The following LARGE1 variants were observed in gnomAD, a reference collection of about 807,000 sequenced individuals.
LARGE1 encodes the protein xylosyl- and glucuronyltransferase LARGE1.
A neutral mutation model predicts 87.6 loss-of-function variants in LARGE1; 43 were observed. That is an observed-to-expected ratio of 0.49 (90% confidence interval 0.38 to 0.63). LARGE1 has a LOEUF of 0.63. Ranked by LOEUF, LARGE1 falls within the 30% of genes least tolerant of loss-of-function variation. The pLI is 0.00. For missense variants in LARGE1, 802 were observed against 1,000.2 expected (o/e 0.80, Z 2.67); for synonymous variants, 434 against 394.6 (o/e 1.10, Z -1.18).
At chr22:33,694,661 T>C (rs2082190071) in intron 2 of LARGE1, among the ~76,000 whole-genome samples, 1 of 152,124 alleles carries the variant, frequency 6.6e-6, no homozygotes, top group African/African-American at 2.4e-5. Context: ...ACCAAATTGA[T>C]TTAGGTAAAT....
At chr22:33,321,807 C>T (rs1936741936) in intron 10 of LARGE1, among the ~76,000 whole-genome samples, 1 of 152,082 alleles carries the variant, frequency 6.6e-6, no homozygotes, top group African/African-American at 2.4e-5. Context: ...GGTTTCTCAT[C>T]CCCTTTACTG....
At chr22:33,281,686 G>C (rs1412780386) in intron 13 of LARGE1, among the ~76,000 whole-genome samples, 1 of 152,164 alleles carries the variant, frequency 6.6e-6, no homozygotes, top group Admixed American at 6.5e-5. Context: ...TGGGTTGGGT[G>C]GGGGGTTACT....
intron 6 of LARGE1, among the ~76,000 whole-genome samples, chr22:33,461,673 GAAAA>G (rs1192907802): frequency 3.0e-5 from 4 of 134,820 alleles, no homozygotes; most frequent in Non-Finnish European, 6.4e-5. Context: ...AAAGAAAAAA[GAAAA>G]AAAAAGAGAA....
intron 11 of LARGE1, among the ~76,000 whole-genome samples, chr22:33,218,109 T>C (rs1925293968): frequency 6.6e-6 from 1 of 152,044 alleles, no homozygotes; most frequent in Admixed American, 6.6e-5. Flanking sequence ...TGTGTATTTT[T>C]AGTAGAGGTG....
the LARGE1 span, among the ~76,000 whole-genome samples, chr22:33,144,904 G>A: frequency 6.6e-6 from 1 of 152,144 alleles, no homozygotes; most frequent in Admixed American, 6.5e-5. Context: ...GAGGCTGCAA[G>A]TCCCCAAGAA....
At chr22:33,750,060 T>C (rs1342104664) in intron 2 of LARGE1, among the ~76,000 whole-genome samples, 2 of 152,204 alleles carry the variant, frequency 1.3e-5, no homozygotes, top group African/African-American at 4.8e-5. Flanking sequence ...GTAAAATTCC[T>C]AGCCCAGCAC....
intron 11 of LARGE1, among the ~76,000 whole-genome samples, chr22:33,239,445 G>A (rs965201053): frequency 3.3e-5 from 5 of 151,408 alleles, no homozygotes; most frequent in African/African-American, 9.7e-5. Context: ...GCACTTTCCT[G>A]GTTATTAAGC....
In LARGE1 at chr22:33,694,387, C is replaced by T. The variant is rs186890450; in HGVS notation, c.107-43719G>A. Among the ~76,000 whole-genome samples, 106 of 152,338 alleles carry T rather than the reference C, an allele frequency of 7.0e-4. 3 individuals are homozygous for T. The South Asian group carries it at 0.015, about 22-fold the overall frequency. On this transcript the variant is annotated intron_variant, in intron 2 of 14. Coordinates refer to ENST00000397394, the MANE Select transcript of LARGE1 (RefSeq NM_133642.5). ...CAATGGTCCCTGTCACAGTGTCACACCTGCCTCTAGTGAACCTTTCTGTAA... is the reference window on the plus strand; with the variant it reads ...CAATGGTCCCTGTCACAGTGTCACATCTGCCTCTAGTGAACCTTTCTGTAA...
At chr22:33,557,287 G>C (rs2077718808) in intron 6 of LARGE1, among the ~76,000 whole-genome samples, 1 of 152,158 alleles carries the variant, frequency 6.6e-6, no homozygotes, top group South Asian at 2.1e-4. Context: ...AAAATCCTTG[G>C]TGTTGCTTCA....
chr22:33,170,722 T>C (rs1436291589), intron 11 of LARGE1, among the ~76,000 whole-genome samples: 1 of 152,202 alleles, frequency 6.6e-6, no homozygotes, highest in African/African-American at 2.4e-5. Flanking sequence ...TAAATCTCTT[T>C]CCTTTAAAAA....
chr22:33,270,892 C>T (rs1928207873), downstream of LARGE1, among the ~76,000 whole-genome samples: 2 of 152,184 alleles, frequency 1.3e-5, no homozygotes, highest in South Asian at 2.1e-4. Context: ...AGAGAGATCA[C>T]TCTGAAGCAG....
At chr22:33,601,929 C>T (rs2079124163) in intron 5 of LARGE1, among the ~76,000 whole-genome samples, 6 of 152,150 alleles carry the variant, frequency 3.9e-5, no homozygotes. Flanking sequence ...ATCAGTGTTT[C>T]CTCCCCTTCT....
At chr22:33,338,279 C>T (rs1938721017) in intron 9 of LARGE1, among the ~76,000 whole-genome samples, 4 of 152,150 alleles carry the variant, frequency 2.6e-5, no homozygotes, top group Admixed American at 2.6e-4. Flanking sequence ...ACCCTAGTCC[C>T]ATTTTTTCAG....
At chr22:33,891,895 C>A (rs2065015787) in intron 1 of LARGE1, among the ~76,000 whole-genome samples, 1 of 152,170 alleles carries the variant, frequency 6.6e-6, no homozygotes, top group African/African-American at 2.4e-5. Context: ...ATATTTTTAA[C>A]TCAAAATCCT....
At chr22:33,274,776 T>TG in intron 14 of LARGE1, 152 bp from the exon 15 acceptor site, 2 of 751,076 alleles carry the variant, frequency 2.7e-6, no homozygotes, top group Non-Finnish European at 4.7e-6. Flanking sequence ...AGCTTTGGAG[T>TG]GGGGTAATTC....
At chr22:33,729,957 A>G (rs1211540127) in intron 2 of LARGE1, among the ~76,000 whole-genome samples, 1 of 152,136 alleles carries the variant, frequency 6.6e-6, no homozygotes, top group Non-Finnish European at 1.5e-5. Context: ...CCCTGCCCTC[A>G]TGAAGTGTGT....
At chr22:33,463,145 C>A (rs1486716796) in intron 6 of LARGE1, among the ~76,000 whole-genome samples, 2 of 151,386 alleles carry the variant, frequency 1.3e-5, no homozygotes, top group Non-Finnish European at 2.9e-5. Context: ...AGAAATAACA[C>A]CTGCCATCTT....
intron 2 of LARGE1, among the ~76,000 whole-genome samples, chr22:33,731,916 A>C (rs2083483308): frequency 6.6e-6 from 1 of 152,250 alleles, no homozygotes; most frequent in South Asian, 2.1e-4. Context: ...TAGTCACTGA[A>C]TCAGTAATTA....
At chr22:33,638,506 C>T (rs920497959) in intron 3 of LARGE1, among the ~76,000 whole-genome samples, 1 of 152,042 alleles carries the variant, frequency 6.6e-6, no homozygotes. Context: ...GAGGTGAGGC[C>T]CCTGTGAAGC....
Sources: allele counts gnomAD v4.1 joint callset (sites outside exome capture counted in the v4.1 genomes callset), GRCh38; gene constraint gnomAD v4.1.1; transcripts MANE v1.5; gene names NCBI Gene and HGNC (gene_info 2026-07-23, HGNC 2026-07-21).